The following GJA4 variants were observed in gnomAD, a reference collection of about 807,000 sequenced individuals.
GJA4 encodes the protein gap junction protein alpha 4.
Under a neutral mutation model 25.1 loss-of-function variants are expected in GJA4, and 13 were observed. That is an observed-to-expected ratio of 0.52 (90% CI 0.34 to 0.82). GJA4 has a LOEUF of 0.82. Among genes scored for constraint, GJA4 ranks in the 40% least tolerant of loss-of-function variants. GJA4 has a pLI of 0.02. For synonymous variants in GJA4, 167 were observed against 193.9 expected (o/e 0.86, Z 1.15); for missense variants, 357 against 443.5 (o/e 0.80, Z 1.75).
rs568000664 is a variant in GJA4 at position 34,795,589 on chromosome 1, T to C, written c.*374T>C. ...CGCAGGTTGTCCTCAAACCCTCTCC[T>C]CACAGGAAAAGGCGGATTGAGGCTG... On this transcript the variant is annotated 3_prime_UTR_variant, in exon 2 of 2. Transcript: ENST00000342280. 27 of 198,798 alleles carry C rather than the reference T, an allele frequency of 1.4e-4. No individual in the cohort carries two copies. Among genetic ancestry groups the C allele is most frequent in the African/African-American group, 5.6e-4 (24 of 42,524 alleles). 12.3% of individuals were successfully genotyped at this position (198,798 alleles called of 1,614,324 possible).
Position 34,794,184 on chromosome 1 carries a change from T to C in GJA4, c.-17-13T>C, listed in dbSNP as rs576020597. 32 of 1,604,704 alleles carry C rather than the reference T, an allele frequency of 2.0e-5. No homozygotes were observed. The East Asian group carries it at 6.9e-4, about 35-fold the overall frequency. The stretch of plus-strand genomic sequence containing the variant: ...GCCATGCTGACACACTGACGTGCTC[T>C]GTCTCCTTGCAGACGGAGGCCCGGG... On this transcript the variant is annotated splice_polypyrimidine_tract_variant and intron_variant, in intron 1 of 1. Transcript: ENST00000342280. The surrounding 1 kb of genome is among the most constrained non-coding windows in gnomAD (Gnocchi z 7.8).
At position 34,794,355 on chromosome 1, in the gene GJA4, G is replaced by A. The variant is rs1640241649; in HGVS notation, c.142G>A (p.Glu48Lys). 1.9e-6 allele frequency: 3 copies of A among 1,614,158 alleles called. No individual in the cohort carries two copies. The highest frequency in any genetic ancestry group is 2.5e-6 in the Non-Finnish European group (3 of 1,180,032). ...GGCCGGCGAGTCAGTGTGGGGTGACGAGCAATCAGATTTCGAGTGTAACAC... is the reference window on the plus strand; with the variant it reads ...GGCCGGCGAGTCAGTGTGGGGTGACAAGCAATCAGATTTCGAGTGTAACAC... Reference protein sequence around the residue: ...GLAGESVWGDEQSDFECNTAQ... With the variant: ...GLAGESVWGDKQSDFECNTAQ... Residue 48 changes from glutamate to lysine, a missense_variant, in exon 2 of 2, where the codon GAG becomes AAG. Coordinates refer to ENST00000342280, the MANE Select transcript of GJA4 (RefSeq NM_002060.3). This position sits in a 1 kb window ranked among gnomAD's most constrained non-coding sequence, Gnocchi z 7.8.
Position 34,794,461 on chromosome 1 carries a change from T to C in GJA4, c.248T>C (p.Leu83Pro), listed in dbSNP as rs1049872238. Residue 83 changes from leucine (L) to proline (P), a missense_variant, in exon 2 of 2, where the codon CTC (leucine) becomes CCC (proline). Physicochemically the swap from Leu to Pro is moderately conservative, Grantham distance 98 (BLOSUM62 -3). Transcript: ENST00000342280. This position sits in a 1 kb window ranked among gnomAD's most constrained non-coding sequence, Gnocchi z 7.8. The stretch of plus-strand genomic sequence containing the variant: ...ATCCGCTACTGGGTGCTGCAGTTCC[T>C]CTTCGTCAGCACACCCACCCTGGTC... ...SHIRYWVLQF[L>P]FVSTPTLVYL... 2 of 1,614,054 alleles carry C rather than the reference T, an allele frequency of 1.2e-6. No homozygotes were observed. The highest frequency in any genetic ancestry group is 1.7e-6 in the Non-Finnish European group (2 of 1,180,028).
At chr1:34,793,095 G>C (rs1640209594) in intron 1 of GJA4, 27 bp downstream of exon 1, 1 of 307,948 alleles carries the variant, frequency 3.2e-6, no homozygotes, top group South Asian at 2.8e-5. Context: ...GAAGGGACCA[G>C]GGGCGCCACC....
intron 1 of GJA4, among the ~76,000 whole-genome samples, chr1:34,793,429 C>T (rs1640217710): frequency 6.6e-6 from 1 of 152,246 alleles, no homozygotes; most frequent in African/African-American, 2.4e-5. Flanking sequence ...CCCTTGGGAA[C>T]TTTGTGGCCT....
Position 34,794,975 on chromosome 1 carries a change from C to G in GJA4, c.762C>G (p.Thr254=), listed in dbSNP as rs1640265702. The G allele has an allele frequency of 6.2e-7, 1 of 1,614,096 alleles. No individual in the cohort carries two copies. The highest frequency in any genetic ancestry group is 1.3e-5 in the African/African-American group (1 of 75,046). ...AAGACGCACCCCCGACCCAGGGCACCTCCTCAGACCCTTACACGGACCAGG... is the reference window on the plus strand; with the variant it reads ...AAGACGCACCCCCGACCCAGGGCACGTCCTCAGACCCTTACACGGACCAGG... ...QGQDAPPTQG[T]SSDPYTDQVF... Residue 254 remains threonine, a synonymous_variant, in exon 2 of 2, where the codon ACC becomes ACG. Coordinates refer to ENST00000342280, the MANE Select transcript of GJA4 (RefSeq NM_002060.3). The surrounding 1 kb of genome is among the most constrained non-coding windows in gnomAD (Gnocchi z 7.8).
chr1:34,794,941 GGCAAGGCCAA>G lies in GJA4; in HGVS notation c.730_739del (p.Gln244ThrfsTer48), dbSNP rs758552021. ...TGCCTCAGCCGGGGGATGAGGGCAC[GGCAAGGCCAA>G]GACGCACCCCCGACCCAGGGCACCT... On this transcript the variant is annotated frameshift_variant, in exon 2 of 2. Coordinates refer to ENST00000342280, the MANE Select transcript of GJA4 (RefSeq NM_002060.3). LOFTEE classifies it high-confidence loss of function. The surrounding 1 kb of genome is among the most constrained non-coding windows in gnomAD (Gnocchi z 7.8). 1 of 1,613,994 alleles carries G rather than the reference GGCAAGGCCAA, an allele frequency of 6.2e-7. No homozygotes were observed. Among genetic ancestry groups the G allele is most frequent in the African/African-American group, 1.3e-5 (1 of 74,920 alleles).
At position 34,794,324 on chromosome 1, in the gene GJA4, G is replaced by T; in HGVS notation, c.111G>T (p.Leu37=). The change falls in exon 2 of 2, where the codon CTG becomes CTT. Residue 37 remains leucine, a synonymous_variant. Coordinates refer to ENST00000342280, the MANE Select transcript of GJA4 (RefSeq NM_002060.3). This position sits in a 1 kb window ranked among gnomAD's most constrained non-coding sequence, Gnocchi z 7.8. ...TCTTCATCTTCCGCATCCTCATCCT[G>T]GGCCTGGCCGGCGAGTCAGTGTGGG... ...TVLFIFRILI[L]GLAGESVWGD... is the part of the protein sequence containing the mutation. 2 of 1,614,214 alleles carry T rather than the reference G, an allele frequency of 1.2e-6. No individual in the cohort carries two copies. The highest frequency in any genetic ancestry group is 1.7e-6 in the Non-Finnish European group (2 of 1,180,040).
In GJA4 at chr1:34,795,537, C is replaced by A. The variant is rs1640285025; in HGVS notation, c.*322C>A. 3.3e-6 allele frequency: 1 copy of A among 306,676 alleles called. No homozygotes were observed. The highest frequency in any genetic ancestry group is 6.4e-6 in the Non-Finnish European group (1 of 156,750). The allele number at this position is 306,676 out of a possible 1,614,324, so 19.0% of individuals were successfully genotyped here. On this transcript the variant is annotated 3_prime_UTR_variant, in exon 2 of 2. Coordinates refer to ENST00000342280, the MANE Select transcript of GJA4 (RefSeq NM_002060.3). ...GGAACCCAGAGCCAACTTACCCCAA[C>A]CTCACCCTATGGAACAGTCACCTGT...
At chr1:34,793,179 G>A (rs1238410818) in intron 1 of GJA4, 111 bp downstream of exon 1, 3 of 255,294 alleles carry the variant, frequency 1.2e-5, no homozygotes, top group Admixed American at 5.0e-5. Context: ...CGCCCGCCGC[G>A]ACAGAGCCGC....
chr1:34,794,878 T>C lies in GJA4; in HGVS notation c.665T>C (p.Val222Ala), dbSNP rs1196571539. Reference sequence around the variant, plus strand: ...TTGGTGGTTGGACTCATCTCCCTGGTGCTTAACCTGCTGGAGTTGGTGCAC... The same window carrying C: ...TTGGTGGTTGGACTCATCTCCCTGGCGCTTAACCTGCTGGAGTTGGTGCAC... Reference protein sequence around the residue: ...FMLVVGLISLVLNLLELVHLL... With the variant: ...FMLVVGLISLALNLLELVHLL... The change falls in exon 2 of 2, where the codon GTG becomes GCG. Residue 222 changes from valine to alanine, a missense_variant. Coordinates refer to ENST00000342280, the MANE Select transcript of GJA4 (RefSeq NM_002060.3). This position sits in a 1 kb window ranked among gnomAD's most constrained non-coding sequence, Gnocchi z 7.8. 2.5e-6 allele frequency: 4 copies of C among 1,614,168 alleles called. No individual in the cohort carries two copies. Among genetic ancestry groups the C allele is most frequent in the Non-Finnish European group, 3.4e-6 (4 of 1,180,016 alleles).
rs567356042 is a variant in GJA4 at position 34,795,652 on chromosome 1, G to A, written c.*437G>A. On this transcript the variant is annotated 3_prime_UTR_variant, in exon 2 of 2. Transcript: ENST00000342280. ...TGATCGCACAGACAGAGCTTGTGCC[G>A]GATTTGGCCCTGTCAAGGGGACTGG... is the stretch of plus-strand genomic sequence containing the variant. 4.2e-4 allele frequency: 75 copies of A among 179,598 alleles called. No individual in the cohort carries two copies. Among genetic ancestry groups the A allele is most frequent in the South Asian group, 7.4e-4 (4 of 5,438 alleles). The allele number at this position is 179,598 out of a possible 1,614,324, so 11.1% of individuals were successfully genotyped here. A position where few individuals can be genotyped will look rare whatever the true frequency, so the allele number is the denominator to read the frequency against.
rs1443941932 is a variant in GJA4, at chr1:34,794,566, C to T, written c.353C>T (p.Ala118Val). 1 of 1,609,364 alleles carries T rather than the reference C, an allele frequency of 6.2e-7. No homozygotes were observed. Among genetic ancestry groups the T allele is most frequent in the Middle Eastern group, 1.6e-4 (1 of 6,082 alleles). Residue 118 changes from alanine (A) to valine (V), a missense_variant, in exon 2 of 2, where the codon GCC (alanine) becomes GTC (valine). Physicochemically the swap from Ala to Val is moderately conservative, Grantham distance 64. Around this residue, in one of 2 missense-constraint regions of GJA4, gnomAD observed 278 missense variants for 298.1 expected, o/e 0.93. Transcript: ENST00000342280. This position sits in a 1 kb window ranked among gnomAD's most constrained non-coding sequence, Gnocchi z 7.8. ...GAGGGGGAGCTGCGGGCACTGCCGG[C>T]CAAGGACCCACAGGTGGAGCGGGCG... ...QKEGELRALP[A>V]KDPQVERALA...
In GJA4 at chr1:34,794,453, G is replaced by A; in HGVS notation, c.240G>A (p.Leu80=). Residue 80 remains leucine (L), a synonymous_variant, in exon 2 of 2, where the codon CTG becomes CTA. Coordinates refer to ENST00000342280, the MANE Select transcript of GJA4 (RefSeq NM_002060.3). This position sits in a 1 kb window ranked among gnomAD's most constrained non-coding sequence, Gnocchi z 7.8. The part of the protein sequence containing the change: ...FPISHIRYWV[L]QFLFVSTPTL... The stretch of plus-strand genomic sequence containing the variant: ...TCTCCCACATCCGCTACTGGGTGCT[G>A]CAGTTCCTCTTCGTCAGCACACCCA... 12 of 1,614,210 alleles carry A rather than the reference G, an allele frequency of 7.4e-6. No homozygotes were observed. Among genetic ancestry groups the A allele is most frequent in the Non-Finnish European group, 9.3e-6 (11 of 1,180,028 alleles).
At position 34,795,130 on chromosome 1, in the gene GJA4, C is replaced by T. The variant is rs749210934; in HGVS notation, c.917C>T (p.Pro306Leu). 6.2e-6 allele frequency: 10 copies of T among 1,612,498 alleles called. No individual in the cohort carries two copies. In the African/African-American group the frequency reaches 6.7e-5, roughly 11 times the overall value. Residue 306 changes from proline (P) to leucine (L), a missense_variant, in exon 2 of 2, where the codon CCT becomes CTT. Physicochemically the swap from Pro to Leu is moderately conservative, Grantham distance 98. Transcript: ENST00000342280. Reference sequence around the variant, plus strand: ...GAGAGGCTGGCGTCTTCCAGGCCCCCTCTCTTCCTGGACCCACCCCCTCAG... The same window carrying T: ...GAGAGGCTGGCGTCTTCCAGGCCCCTTCTCTTCCTGGACCCACCCCCTCAG... The part of the protein sequence containing the change: ...TEERLASSRP[P>L]LFLDPPPQNG...
Position 34,794,059 on chromosome 1 carries a change from C to A in GJA4, c.-17-138C>A, listed in dbSNP as rs180964259. On this transcript the variant is annotated intron_variant, in intron 1 of 1. Coordinates refer to ENST00000342280, the MANE Select transcript of GJA4 (RefSeq NM_002060.3). This position sits in a 1 kb window ranked among gnomAD's most constrained non-coding sequence, Gnocchi z 7.8. ...TGCCTGCACTGCTGAGTGGGAGCCT[C>A]CAGGCCAGTCCTTCCCCTTCCTGAG... 274 of 698,012 alleles carry A rather than the reference C, an allele frequency of 3.9e-4. No individual in the cohort carries two copies. In the African/African-American group the frequency reaches 4.6e-3, roughly 12 times the overall value. The allele number at this position is 698,012 out of a possible 1,614,324, so 43.2% of individuals were successfully genotyped here.
At position 34,794,208 on chromosome 1, in the gene GJA4, G is replaced by A. The variant is rs866011598; in HGVS notation, c.-6G>A. On this transcript the variant is annotated 5_prime_UTR_variant, in exon 2 of 2. Coordinates refer to ENST00000342280, the MANE Select transcript of GJA4 (RefSeq NM_002060.3). The surrounding 1 kb of genome is among the most constrained non-coding windows in gnomAD (Gnocchi z 7.8). ...CTGTCTCCTTGCAGACGGAGGCCCGGGAGCCATGGGTGACTGGGGCTTCCT... is the reference window on the plus strand; with the variant it reads ...CTGTCTCCTTGCAGACGGAGGCCCGAGAGCCATGGGTGACTGGGGCTTCCT... The A allele has an allele frequency of 1.4e-5, 23 of 1,612,832 alleles. No individual in the cohort carries two copies. Among genetic ancestry groups the A allele is most frequent in the Admixed American group, 1.0e-4 (6 of 59,960 alleles).
chr1:34,793,160 GCTGCGGAACGCCCGCCGCGA>G, intron 1 of GJA4, 92 bp downstream of exon 1: 1 of 248,174 alleles, frequency 4.0e-6, no homozygotes, highest in Non-Finnish European at 7.9e-6. Flanking sequence ...GACGGGGGTT[GCTGCGGAACGCCCGCCGCGA>G]CAGAGCCGCG....
In GJA4 at chr1:34,795,261, G is replaced by A. The variant is rs777021824; in HGVS notation, c.*46G>A. The stretch of plus-strand genomic sequence containing the variant: ...CCAACAGAGGGGTCCTGAGAAGTCT[G>A]GCTGCCTGGGATGCCCCCTGCCCCC... On this transcript the variant is annotated 3_prime_UTR_variant, in exon 2 of 2. Coordinates refer to ENST00000342280, the MANE Select transcript of GJA4 (RefSeq NM_002060.3). 2.9e-6 allele frequency: 4 copies of A among 1,361,080 alleles called. No homozygotes were observed. The African/African-American group carries it at 5.8e-5, about 20-fold the overall frequency. 84.3% of individuals were successfully genotyped at this position (1,361,080 alleles called of 1,614,324 possible).
Sources: allele counts gnomAD v4.1 joint callset (sites outside exome capture counted in the v4.1 genomes callset), GRCh38; gene constraint gnomAD v4.1.1; regional missense constraint gnomAD v4.1.1; non-coding constraint Gnocchi (gnomAD v3.1); transcripts MANE v1.5; gene names NCBI Gene and HGNC (gene_info 2026-07-23, HGNC 2026-07-21).